The following TASP1 variants were observed in gnomAD, a reference collection of about 807,000 sequenced individuals.
The protein encoded by TASP1 is threonine aspartase 1.
A neutral mutation model predicts 56.6 loss-of-function variants in TASP1; 16 were observed. That is an observed-to-expected ratio of 0.28 (90% CI 0.19 to 0.43). The LOEUF (loss-of-function observed/expected upper bound fraction) is 0.43, where lower values mean the gene tolerates loss of function less well. Among genes scored for constraint, TASP1 ranks in the 20% least tolerant of loss-of-function variants. The pLI, the probability that TASP1 is intolerant of heterozygous loss-of-function variation, is 1.00. For missense variants in TASP1, 393 were observed against 511.6 expected, an observed-to-expected ratio of 0.77 and a Z score of 2.24; for synonymous variants, 179 against 184.2, an observed-to-expected ratio of 0.97 and a Z score of 0.23.
chr20:13,347,929 G>C, the TASP1 span, among the ~76,000 whole-genome samples: 3 of 152,088 alleles, frequency 2.0e-5, no homozygotes, highest in Admixed American at 6.6e-5. Flanking sequence ...GAAAAGAAAT[G>C]AGTGGTAGAA....
intron 12 of TASP1, among the ~76,000 whole-genome samples, chr20:13,427,082 T>G (rs1020863686): frequency 1.3e-5 from 2 of 152,234 alleles, no homozygotes; most frequent in East Asian, 3.8e-4. Context: ...AAGTGCTCAC[T>G]GTGGCATGTG....
At chr20:13,360,099 G>A in the TASP1 span, among the ~76,000 whole-genome samples, 47,234 of 150,026 alleles carry the variant, frequency 0.31, 9,168 homozygotes, top group African/African-American at 0.56. Context: ...GCGCCTTATC[G>A]ACCAAATTGT....
At chr20:13,273,095 T>C in the TASP1 span, among the ~76,000 whole-genome samples, 2 of 152,204 alleles carry the variant, frequency 1.3e-5, no homozygotes, top group African/African-American at 4.8e-5. Context: ...TGGAAAGTTA[T>C]TGGCTGCTTT....
chr20:13,601,143 A>G (rs2047941741), intron 4 of TASP1, among the ~76,000 whole-genome samples: 1 of 152,000 alleles, frequency 6.6e-6, no homozygotes, highest in African/African-American at 2.4e-5. Flanking sequence ...GCCAGGTGTG[A>G]TGGCAGGCAC....
chr20:13,405,996 C>T (rs1312240675), intron 13 of TASP1, among the ~76,000 whole-genome samples: 6 of 152,180 alleles, frequency 3.9e-5, no homozygotes, highest in Non-Finnish European at 7.3e-5. Flanking sequence ...CAGAGCTGGA[C>T]GGTATTCCTG....
chr20:13,150,200 T>G, the TASP1 span, among the ~76,000 whole-genome samples: 29 of 152,336 alleles, frequency 1.9e-4, no homozygotes, highest in Non-Finnish European at 3.4e-4. Flanking sequence ...AAACACAGTT[T>G]CAATGTATGG....
At chr20:13,386,787 T>C (rs965013183), downstream of TASP1, among the ~76,000 whole-genome samples, 1 of 152,206 alleles carries the variant, frequency 6.6e-6, no homozygotes, top group African/African-American at 2.4e-5. Context: ...CAGACTAGCA[T>C]CTAGGACTTA....
chr20:13,623,330 T>C, intron 4 of TASP1, 116 bp downstream of exon 4: 3 of 732,446 alleles, frequency 4.1e-6, no homozygotes, highest in Non-Finnish European at 6.5e-6. Flanking sequence ...TTGCTAATAT[T>C]GGTGGGAAAC....
At chr20:13,605,132 C>G (rs2048103036) in intron 4 of TASP1, among the ~76,000 whole-genome samples, 1 of 151,848 alleles carries the variant, frequency 6.6e-6, no homozygotes, top group Non-Finnish European at 1.5e-5. Context: ...CTAGAAAAGA[C>G]TGAACTATAG....
chr20:13,587,050 G>T (rs560270167), intron 5 of TASP1, among the ~76,000 whole-genome samples, 200 bp downstream of exon 5: 12 of 151,906 alleles, frequency 7.9e-5, no homozygotes, highest in African/African-American at 2.9e-4. Flanking sequence ...TCTCTTCAAG[G>T]GATACAGGAG....
chr20:13,576,342 GAAGAAAGAAAGAAAGAAAGA>G lies in TASP1; in HGVS notation c.488+4535_488+4554del, dbSNP rs71188165. Among the ~76,000 whole-genome samples, 586 of 131,738 alleles carry G rather than the reference GAAGAAAGAAAGAAAGAAAGA, an allele frequency of 4.4e-3. 2 individuals are homozygous for G. Among genetic ancestry groups the G allele is most frequent in the African/African-American group, 0.016 (549 of 35,044 alleles). 86.4% of individuals were successfully genotyped at this position (131,738 alleles called of 152,430 possible). A position where few individuals can be genotyped will look rare whatever the true frequency, so the allele number is the denominator to read the frequency against. On this transcript the variant is annotated intron_variant, in intron 6 of 13. Coordinates refer to ENST00000337743, the MANE Select transcript of TASP1 (RefSeq NM_017714.3). ...AGAAAGAAAAGAGAAAGAAAGAAAG[GAAGAAAGAAAGAAAGAAAGA>G]AAGAAAGAAAGAAAGAAAGAAAGAA...
chr20:13,129,148 C>T, the TASP1 span, among the ~76,000 whole-genome samples: 4 of 151,954 alleles, frequency 2.6e-5, no homozygotes, highest in Non-Finnish European at 5.9e-5. Flanking sequence ...ATTACAGGCA[C>T]GAGCCACCAC....
At chr20:13,498,331 TTGTGTG>T (rs60099056) in intron 10 of TASP1, among the ~76,000 whole-genome samples, 10,783 of 134,966 alleles carry the variant, frequency 0.08, 524 homozygotes, top group African/African-American at 0.14. Context: ...TTCTTTTCTT[TTGTGTG>T]TGTGTGTGTG....
At position 13,600,853 on chromosome 20, in the gene TASP1, C is replaced by T. The variant is rs548445917; in HGVS notation, c.283-13483G>A. Among the ~76,000 whole-genome samples, 4 of 152,134 alleles carry T rather than the reference C, an allele frequency of 2.6e-5. No homozygotes were observed. The East Asian group carries it at 7.7e-4, about 29-fold the overall frequency. On this transcript the variant is annotated intron_variant, in intron 4 of 13. Coordinates refer to ENST00000337743, the MANE Select transcript of TASP1 (RefSeq NM_017714.3). Reference sequence around the variant, plus strand: ...TATCCTTGCTCTGTCAGCTGAGAGGCCCTATAAACAATGATACTCCAACGA... The same window carrying T: ...TATCCTTGCTCTGTCAGCTGAGAGGTCCTATAAACAATGATACTCCAACGA...
intron 4 of TASP1, chr20:13,616,850 A>G: frequency 6.6e-6 from 2 of 303,222 alleles, no homozygotes; most frequent in Non-Finnish European, 1.3e-5. Flanking sequence ...AAAAGAGTGT[A>G]ACTTACTTTT....
the TASP1 span, among the ~76,000 whole-genome samples, chr20:13,231,943 A>C: frequency 6.6e-6 from 1 of 152,220 alleles, no homozygotes; most frequent in East Asian, 1.9e-4. Context: ...CAAAAATAAC[A>C]AAGTATGTCC....
At chr20:13,287,567 T>C in the TASP1 span, among the ~76,000 whole-genome samples, 4 of 152,228 alleles carry the variant, frequency 2.6e-5, no homozygotes, top group African/African-American at 9.6e-5. Context: ...CATCAATTTC[T>C]AACATGCCAT....
chr20:13,352,042 T>C, the TASP1 span, among the ~76,000 whole-genome samples: 1 of 152,210 alleles, frequency 6.6e-6, no homozygotes, highest in Admixed American at 6.5e-5. Flanking sequence ...CACAGAAGAC[T>C]GAAATTTCTA....
At chr20:13,399,591 C>G (rs2041663099) in intron 13 of TASP1, among the ~76,000 whole-genome samples, 1 of 152,212 alleles carries the variant, frequency 6.6e-6, no homozygotes, top group South Asian at 2.1e-4. Flanking sequence ...CCCATTGGCT[C>G]TATCTTAAAA....
Sources: gnomAD v4.1 joint callset for allele counts (sites outside exome capture counted in the v4.1 genomes callset) on GRCh38, gnomAD v4.1.1 for gene constraint, MANE v1.5 for transcripts, NCBI Gene and HGNC (gene_info 2026-07-23, HGNC 2026-07-21) for gene names.